Variants in ZNF195 observed in about 807,000 individuals in gnomAD.
ZNF195 encodes the protein hypoxia-regulated factor-1.
In ZNF195, 11 loss-of-function variants were observed where a neutral mutation model predicts 19.5. The ratio of observed to expected loss-of-function variants is 0.57; its 90% CI spans 0.36 to 0.94. The LOEUF (loss-of-function observed/expected upper bound fraction) is 0.94. Among genes scored for constraint, ZNF195 ranks in the 40% least tolerant of loss-of-function variants. ZNF195 has a pLI of 0.01. For missense variants in ZNF195, 582 were observed against 709.0 expected (o/e 0.82, Z 2.03); for synonymous variants, 214 against 248.1 (o/e 0.86, Z 1.29).
At chr11:3,375,669 A>G (rs1234226873) in intron 1 of ZNF195, 2 of 152,216 alleles carry the variant, frequency 1.3e-5, no homozygotes, top group African/African-American at 4.8e-5. Context: ...ATGGCTACAC[A>G]GGATGGAATC....
intron 1 of ZNF195, among the ~76,000 whole-genome samples, chr11:3,374,907 G>A (rs550961253): frequency 2.0e-5 from 3 of 152,318 alleles, no homozygotes; most frequent in South Asian, 4.1e-4. Flanking sequence ...CTCTAACAGC[G>A]CTGGTGTTAG....
At chr11:3,367,760 A>G (rs1298081821) in intron 3 of ZNF195, among the ~76,000 whole-genome samples, 1 of 152,086 alleles carries the variant, frequency 6.6e-6, no homozygotes, top group East Asian at 1.9e-4. Context: ...AGGTTGAAGA[A>G]ATAGGATAAT....
rs181245603 is a variant in ZNF195 at position 3,366,733 on chromosome 11, G to A, written c.226+4242C>T. ...ACATTGAAAACCACGTAACCTGCTG[G>A]TAGGAAAGAAAGGATGCAGCCACGA... On this transcript the variant is annotated intron_variant, in intron 3 of 5. Transcript: ENST00000399602. 803 of 227,784 alleles carry A rather than the reference G, an allele frequency of 3.5e-3. 2 individuals are homozygous for A. Among genetic ancestry groups the A allele is most frequent in the Non-Finnish European group, 5.8e-3 (632 of 108,206 alleles). The allele number at this position is 227,784 out of a possible 1,614,324, so 14.1% of individuals were successfully genotyped here.
At chr11:3,369,697 G>A (rs975925237) in intron 3 of ZNF195, among the ~76,000 whole-genome samples, 1 of 152,188 alleles carries the variant, frequency 6.6e-6, no homozygotes, top group Non-Finnish European at 1.5e-5. Flanking sequence ...GAACTCACAG[G>A]AGCAGAGGAC....
At chr11:3,369,553 G>T in intron 3 of ZNF195, 1 of 435,180 alleles carries the variant, frequency 2.3e-6, no homozygotes, top group Non-Finnish European at 4.7e-6. Flanking sequence ...ATATTACTCA[G>T]CCATAAAAAA....
intron 3 of ZNF195, among the ~76,000 whole-genome samples, chr11:3,364,131 G>A (rs1320893409): frequency 6.6e-6 from 1 of 152,152 alleles, no homozygotes; most frequent in African/African-American, 2.4e-5. Flanking sequence ...ATAAAAAGAT[G>A]AGGGTGTTCA....
intron 3 of ZNF195, chr11:3,363,345 A>C (rs1166687919): frequency 3.3e-5 from 5 of 152,170 alleles, no homozygotes; most frequent in Non-Finnish European, 7.3e-5. Flanking sequence ...ACAGCAGGAG[A>C]CACACTCTTC....
chr11:3,376,104 C>T (rs551613237), intron 1 of ZNF195, among the ~76,000 whole-genome samples: 3 of 152,320 alleles, frequency 2.0e-5, no homozygotes, highest in Non-Finnish European at 2.9e-5. Flanking sequence ...AGGAAGTCCT[C>T]CCCAGCTTCC....
Position 3,360,703 on chromosome 11 carries a change from T to C in ZNF195, c.442+17A>G. 6.4e-7 allele frequency: 1 copy of C among 1,550,842 alleles called. No homozygotes were observed. Among genetic ancestry groups the C allele is most frequent in the Non-Finnish European group, 8.7e-7 (1 of 1,146,772 alleles). ...ACAGGCCCTAATTTCTGTATAAACA[T>C]ATAAATGTAACAATACCTAGTGAGA... On this transcript the variant is annotated intron_variant, in intron 5 of 5. Transcript: ENST00000399602.
intron 1 of ZNF195, among the ~76,000 whole-genome samples, chr11:3,378,833 G>C (rs1023891407): frequency 6.6e-6 from 1 of 152,222 alleles, no homozygotes; most frequent in African/African-American, 2.4e-5. Context: ...GAGCTGCCGG[G>C]GGGACATGGC....
chr11:3,368,704 T>A (rs1439277183), intron 3 of ZNF195: 4 of 336,124 alleles, frequency 1.2e-5, no homozygotes, highest in Non-Finnish European at 2.4e-5. Context: ...AAGAACAGGA[T>A]GGTATGCGAA....
Position 3,360,451 on chromosome 11 carries a change from C to T in ZNF195, c.557G>A (p.Arg186Lys). ...GNCGLDNLYL[R>K]KDWESLDECK... is the part of the protein sequence containing the mutation. Reference sequence around the variant, plus strand: ...CTCATCTAAACTTTCCCAGTCTTTCCTTAAATATAAATTATCAAGGCCACA... The same window carrying T: ...CTCATCTAAACTTTCCCAGTCTTTCTTTAAATATAAATTATCAAGGCCACA... The change falls in exon 6 of 6, where the codon AGG becomes AAG. Residue 186 changes from arginine (R) to lysine (K), a missense_variant. By Grantham distance (26) the Arg-to-Lys change is conservative. Around this residue, in one of 3 missense-constraint regions of ZNF195, gnomAD observed 407 missense variants for 530.5 expected, o/e 0.77. Coordinates refer to ENST00000399602, the MANE Select transcript of ZNF195 (RefSeq NM_001130520.3). 1 of 1,611,268 alleles carries T rather than the reference C, an allele frequency of 6.2e-7. No homozygotes were observed. The highest frequency in any genetic ancestry group is 1.1e-5 in the South Asian group (1 of 90,866).
chr11:3,376,742 C>T (rs78698585), intron 1 of ZNF195, among the ~76,000 whole-genome samples: 1 of 152,196 alleles, frequency 6.6e-6, no homozygotes, highest in Non-Finnish European at 1.5e-5. Context: ...TAAACAATCA[C>T]ATGTGAACAC....
In ZNF195 at chr11:3,358,645, T is replaced by C. The variant is rs1443824207; in HGVS notation, c.*473A>G. The stretch of plus-strand genomic sequence containing the variant: ...CAAAAAAGTATATTTTGAATGTAAT[T>C]ATAACTCTACAAAAACTCAGTCTCA... On this transcript the variant is annotated 3_prime_UTR_variant, in exon 6 of 6. Coordinates refer to ENST00000399602, the MANE Select transcript of ZNF195 (RefSeq NM_001130520.3). 6.6e-6 allele frequency: 1 copy of C among 152,390 alleles called. No individual in the cohort carries two copies. Among genetic ancestry groups the C allele is most frequent in the South Asian group, 2.1e-4 (1 of 4,832 alleles). 9.4% of individuals were successfully genotyped at this position (152,390 alleles called of 1,614,324 possible). A position where few individuals can be genotyped will look rare whatever the true frequency, so the allele number is the denominator to read the frequency against.
Position 3,359,162 on chromosome 11 carries a change from T to A in ZNF195, c.1846A>T (p.Thr616Ser). The A allele has an allele frequency of 6.2e-7, 1 of 1,607,678 alleles. No individual in the cohort carries two copies. The highest frequency in any genetic ancestry group is 1.1e-5 in the South Asian group (1 of 89,928). Residue 616 changes from threonine (T) to serine (S), a missense_variant, in exon 6 of 6, where the codon ACC (threonine) becomes TCC (serine). Thr to Ser is a moderately conservative substitution (Grantham distance 58, BLOSUM62 1). This residue lies in a region of ZNF195 where 407 missense variants were observed against 530.5 expected (regional missense o/e 0.77). Transcript: ENST00000399602. The surrounding 1 kb of genome is among the most constrained non-coding windows in gnomAD (Gnocchi z 5.5). ...YKCEKCGKAFTQFSHLTVHES... is the reference protein window; with the variant it reads ...YKCEKCGKAFSQFSHLTVHES... ...TGTACAGTCAGGTGTGAGAACTGGG[T>A]GAAGGCTTTGCCACACTTTTCACAC... is the stretch of plus-strand genomic sequence containing the variant.
chr11:3,365,387 A>G (rs1343268277), intron 3 of ZNF195, among the ~76,000 whole-genome samples: 3 of 152,234 alleles, frequency 2.0e-5, no homozygotes, highest in Non-Finnish European at 4.4e-5. Flanking sequence ...ACAAATAACA[A>G]CTCTTAAAGA....
intron 1 of ZNF195, among the ~76,000 whole-genome samples, chr11:3,374,071 A>G (rs927452567): frequency 6.6e-6 from 1 of 152,240 alleles, no homozygotes; most frequent in African/African-American, 2.4e-5. Context: ...GCTTCCACCC[A>G]AACCAATAGG....
In ZNF195 at chr11:3,360,707, A is replaced by C; in HGVS notation, c.442+13T>G. 1.9e-6 allele frequency: 3 copies of C among 1,551,022 alleles called. No homozygotes were observed. The South Asian group carries it at 3.6e-5, about 18-fold the overall frequency. On this transcript the variant is annotated intron_variant, in intron 5 of 5. Transcript: ENST00000399602. ...GCCCTAATTTCTGTATAAACATATA[A>C]ATGTAACAATACCTAGTGAGAAGAT...
intron 3 of ZNF195, 181 bp from the exon 4 acceptor site, chr11:3,362,070 C>A (rs1341386355): frequency 9.2e-6 from 4 of 434,374 alleles, no homozygotes; most frequent in South Asian, 4.9e-5. Context: ...AAAAAAAGTA[C>A]AACCTGAAGC....
Sources: gnomAD v4.1 joint callset for allele counts (sites outside exome capture counted in the v4.1 genomes callset) on GRCh38, gnomAD v4.1.1 for gene constraint, gnomAD v4.1.1 regional missense constraint, Gnocchi (gnomAD v3.1) non-coding constraint, MANE v1.5 for transcripts, NCBI Gene and HGNC (gene_info 2026-07-23, HGNC 2026-07-21) for gene names.